The following ERMP1 variants were observed in gnomAD, a reference collection of about 807,000 sequenced individuals.
ERMP1 encodes endoplasmic reticulum metallopeptidase 1, also known as Felix-ina.
ERMP1 carries 86 observed loss-of-function variants against 92.0 expected under a neutral mutation model. The ratio of observed to expected loss-of-function variants is 0.93; its 90% CI spans 0.79 to 1.12. ERMP1 has a LOEUF of 1.12. Ranked by LOEUF, ERMP1 falls within the 50% of genes most tolerant of loss-of-function variation. ERMP1 has a pLI of 0.00. For missense variants in ERMP1, 1,342 were observed against 1,116.3 expected (o/e 1.20, Z -2.88); for synonymous variants, 530 against 412.8 (o/e 1.28, Z -3.44).
chr9:5,812,870 G>A lies in ERMP1; in HGVS notation c.1021+19C>T, dbSNP rs781607131. On this transcript the variant is annotated intron_variant, in intron 5 of 14. Coordinates refer to ENST00000339450, the MANE Select transcript of ERMP1 (RefSeq NM_024896.3). Reference sequence around the variant, plus strand: ...ATAAATAAATGCTGCACAGTAGGCCGTAACCATTGACAATATACCTGGAAT... The same window carrying A: ...ATAAATAAATGCTGCACAGTAGGCCATAACCATTGACAATATACCTGGAAT... 62 of 1,613,454 alleles carry A rather than the reference G, an allele frequency of 3.8e-5. No individual in the cohort carries two copies. Among genetic ancestry groups the A allele is most frequent in the African/African-American group, 4.0e-5 (3 of 74,886 alleles).
chr9:5,825,124 G>A lies in ERMP1; in HGVS notation c.736C>T (p.Leu246Phe), dbSNP rs1426578376. ...ACATTTTCCTCAGCACCATTAAAGA[G>A]AAATATGACAGCATGATGCAAGGCT... ...SEALHHAVIF[L>F]FNGAEENVLQ... Residue 246 changes from leucine (L) to phenylalanine (F), a missense_variant, in exon 3 of 15, where the codon CTC becomes TTC. Coordinates refer to ENST00000339450, the MANE Select transcript of ERMP1 (RefSeq NM_024896.3). 1 of 1,614,024 alleles carries A rather than the reference G, an allele frequency of 6.2e-7. No individual in the cohort carries two copies.
chr9:5,857,414 A>G (rs1830391483), intron 6 of ERMP1, among the ~76,000 whole-genome samples: 1 of 152,180 alleles, frequency 6.6e-6, no homozygotes, highest in African/African-American at 2.4e-5. Flanking sequence ...CAGCAACTCA[A>G]AATTTTTACA....
At chr9:5,818,925 T>G (rs1287715499) in intron 4 of ERMP1, among the ~76,000 whole-genome samples, 2 of 152,226 alleles carry the variant, frequency 1.3e-5, no homozygotes, top group Non-Finnish European at 2.9e-5. Context: ...ATTATCATTT[T>G]ACTAACTTTT....
intron 6 of ERMP1, among the ~76,000 whole-genome samples, chr9:5,840,890 A>G (rs1371920207): frequency 6.6e-6 from 1 of 152,228 alleles, no homozygotes; most frequent in African/African-American, 2.4e-5. Context: ...GGCTAGGTGG[A>G]TGAAAGGCAA....
At chr9:5,821,671 TAGA>T (rs1413540599) in intron 4 of ERMP1, among the ~76,000 whole-genome samples, 2 of 152,114 alleles carry the variant, frequency 1.3e-5, no homozygotes, top group African/African-American at 4.8e-5. Flanking sequence ...GAAAAAAATC[TAGA>T]AAGGGTGCAG....
At chr9:5,822,504 A>C (rs1209371056) in intron 4 of ERMP1, among the ~76,000 whole-genome samples, 1 of 152,216 alleles carries the variant, frequency 6.6e-6, no homozygotes, top group Non-Finnish European at 1.5e-5. Context: ...AGACTATTAA[A>C]ATATAGTATT....
At chr9:5,792,043 T>C (rs575197598) in intron 13 of ERMP1, among the ~76,000 whole-genome samples, 1 of 151,590 alleles carries the variant, frequency 6.6e-6, no homozygotes, top group East Asian at 1.9e-4. Context: ...AAGGGTAGAG[T>C]CTGGGTAGGA....
intron 8 of ERMP1, among the ~76,000 whole-genome samples, chr9:5,806,071 T>C (rs1304882644): frequency 1.3e-5 from 2 of 152,204 alleles, no homozygotes; most frequent in Admixed American, 6.5e-5. Flanking sequence ...TTTTCCAAAA[T>C]AGAAGAAAGG....
intron 5 of ERMP1, among the ~76,000 whole-genome samples, chr9:5,861,741 T>TTG (rs1830503624): frequency 7.0e-6 from 1 of 143,330 alleles, no homozygotes; most frequent in East Asian, 2.0e-4. Flanking sequence ...TTTTTTTTTT[T>TTG]GGTCTGCCCA....
chr9:5,821,863 G>C (rs532859880), intron 4 of ERMP1, among the ~76,000 whole-genome samples: 1 of 152,316 alleles, frequency 6.6e-6, no homozygotes, highest in African/African-American at 2.4e-5. Flanking sequence ...TAGGAAAGAA[G>C]ACTGAGTGTC....
At chr9:5,865,176 ATG>A (rs1830614572) in intron 5 of ERMP1, among the ~76,000 whole-genome samples, 1 of 152,184 alleles carries the variant, frequency 6.6e-6, no homozygotes, top group South Asian at 2.1e-4. Flanking sequence ...ACATATACAT[ATG>A]TATATATAAA....
chr9:5,828,857 C>G (rs1829825124), intron 2 of ERMP1, among the ~76,000 whole-genome samples: 1 of 152,120 alleles, frequency 6.6e-6, no homozygotes, highest in South Asian at 2.1e-4. Flanking sequence ...TGTTCTTAAG[C>G]AACCATGGTG....
intron 5 of ERMP1, among the ~76,000 whole-genome samples, chr9:5,862,533 G>C (rs554429801): frequency 1.3e-5 from 2 of 152,174 alleles, no homozygotes; most frequent in South Asian, 4.2e-4. Flanking sequence ...ATTTTTTGTA[G>C]AGATGGAGTC....
intron 6 of ERMP1, among the ~76,000 whole-genome samples, chr9:5,845,179 A>AT (rs1563780219): frequency 6.0e-5 from 9 of 149,026 alleles, no homozygotes; most frequent in Non-Finnish European, 1.0e-4. Flanking sequence ...TGGTGGTTTA[A>AT]TTTTTTTATA....
intron 13 of ERMP1, among the ~76,000 whole-genome samples, chr9:5,791,935 C>T (rs567578900): frequency 6.6e-6 from 1 of 152,196 alleles, no homozygotes; most frequent in South Asian, 2.1e-4. Context: ...AACAGATATA[C>T]ACAAAGGGAG....
At chr9:5,837,568 A>T (rs576029864), upstream of ERMP1, among the ~76,000 whole-genome samples, 5 of 152,360 alleles carry the variant, frequency 3.3e-5, no homozygotes, top group East Asian at 9.6e-4. Context: ...CACCAAAAAG[A>T]TGAAAAGTCA....
chr9:5,796,555 G>C (rs761342978), intron 13 of ERMP1, among the ~76,000 whole-genome samples: 3 of 152,042 alleles, frequency 2.0e-5, no homozygotes, highest in Non-Finnish European at 1.5e-5. Flanking sequence ...AAAAAGAAAT[G>C]GCCTATCAAG....
intron 10 of ERMP1, among the ~76,000 whole-genome samples, chr9:5,801,965 A>G (rs995729938): frequency 2.0e-5 from 3 of 152,252 alleles, no homozygotes; most frequent in African/African-American, 7.2e-5. Context: ...AATATTTTCA[A>G]TCGTAATGAA....
intron 6 of ERMP1, among the ~76,000 whole-genome samples, chr9:5,850,569 C>T (rs577014269): frequency 6.6e-6 from 1 of 152,118 alleles, no homozygotes; most frequent in African/African-American, 2.4e-5. Flanking sequence ...AGTTCGTAAA[C>T]CTCTGAAAAT....
Sources: allele counts gnomAD v4.1 joint callset (sites outside exome capture counted in the v4.1 genomes callset), GRCh38; gene constraint gnomAD v4.1.1; transcripts MANE v1.5; gene names NCBI Gene and HGNC (gene_info 2026-07-23, HGNC 2026-07-21).